PTBP1: variants seen among roughly 807,000 people sequenced by gnomAD.
The protein encoded by PTBP1 is polypyrimidine tract-binding protein 1.
PTBP1 carries 8 observed loss-of-function variants against 59.8 expected under a neutral mutation model. The observed-to-expected ratio is 0.13, with a 90% CI of 0.08 to 0.24. The LOEUF is 0.24. Among genes scored for constraint, PTBP1 ranks in the 10% least tolerant of loss-of-function variants. The probability of loss-of-function intolerance (pLI) is 1.00; values close to 1 mark genes in which losing one functional copy is unlikely to be tolerated. For synonymous variants in PTBP1, 490 were observed against 320.7 expected, an observed-to-expected ratio of 1.53 and a Z score of -5.64; for missense variants, 686 against 767.0, an observed-to-expected ratio of 0.89 and a Z score of 1.25.
rs758614808 is a variant in PTBP1 at position 805,514 on chromosome 19, C to G, written c.915C>G (p.Ala305=). Residue 305 remains alanine (A), a synonymous_variant, in exon 9 of 15, where the codon GCC becomes GCG. Transcript: ENST00000356948. The part of the protein sequence containing the change: ...AAFGAPGIIS[A]SPYAGAGFPP... ...TAGGTGCACCTGGTATAATCTCAGC[C>G]TCTCCGTATGCAGGAGCTGGTTTCC... is the stretch of plus-strand genomic sequence containing the variant. 6.2e-7 allele frequency: 1 copy of G among 1,613,726 alleles called. No individual in the cohort carries two copies. The highest frequency in any genetic ancestry group is 8.5e-7 in the Non-Finnish European group (1 of 1,179,608).
Position 806,569 on chromosome 19 carries a change from T to C in PTBP1, c.1119+13T>C. 1.3e-6 allele frequency: 2 copies of C among 1,484,842 alleles called. No homozygotes were observed. Among genetic ancestry groups the C allele is most frequent in the Non-Finnish European group, 1.8e-6 (2 of 1,117,948 alleles). 92.0% of individuals were successfully genotyped at this position (1,484,842 alleles called of 1,614,324 possible). ...CCTCAACCCAGAGGTACGTGGGCTT[T>C]TCCTCCGCGCCGCCGTTCCTCCCGG... On this transcript the variant is annotated intron_variant, in intron 10 of 14. Transcript: ENST00000356948.
Position 804,281 on chromosome 19 carries a change from C to T in PTBP1, c.289-11C>T, listed in dbSNP as rs2034463532. Reference sequence around the variant, plus strand: ...ACGAGGAGGGCCCAGCGCTCACTGCCTCCCCAACAGGCCTTCATCGAGATG... The same window carrying T: ...ACGAGGAGGGCCCAGCGCTCACTGCTTCCCCAACAGGCCTTCATCGAGATG... On this transcript the variant is annotated splice_polypyrimidine_tract_variant and intron_variant, in intron 4 of 14. Transcript: ENST00000356948. The T allele has an allele frequency of 6.2e-7, 1 of 1,613,564 alleles. No homozygotes were observed. Among genetic ancestry groups the T allele is most frequent in the Non-Finnish European group, 8.5e-7 (1 of 1,179,806 alleles).
intron 6 of PTBP1, 53 bp downstream of exon 6, chr19:804,755 C>G: frequency 1.9e-6 from 3 of 1,609,388 alleles, no homozygotes; most frequent in Non-Finnish European, 2.6e-6. Context: ...GCTGTGGGCA[C>G]AGGCACACGG....
Position 804,543 on chromosome 19 carries a change from G to C in PTBP1, c.447G>C (p.Ala149=), listed in dbSNP as rs765059664. 3 of 1,603,744 alleles carry C rather than the reference G, an allele frequency of 1.9e-6. No individual in the cohort carries two copies. The African/African-American group carries it at 4.0e-5, about 21-fold the overall frequency. The change falls in exon 6 of 15, where the codon GCG becomes GCC. Residue 149 remains alanine, a synonymous_variant. Transcript: ENST00000356948. ...TGTGCCTCCCACAGCGGGCCCAGGC[G>C]GCCCTGCAGGCGGTGAACTCGGTCC... ...DSSPNQARAQ[A]ALQAVNSVQS...
At chr19:806,353 C>T (rs2034574564) in intron 9 of PTBP1, 55 bp from the exon 10 acceptor site, 10 of 1,537,566 alleles carry the variant, frequency 6.5e-6, no homozygotes, top group Non-Finnish European at 8.7e-6. Flanking sequence ...CGGCCTCTCC[C>T]ACTCTGCGGT....
intron 2 of PTBP1, among the ~76,000 whole-genome samples, chr19:801,173 G>A (rs942792846): frequency 1.3e-5 from 2 of 152,214 alleles, no homozygotes; most frequent in Non-Finnish European, 2.9e-5. Context: ...AAGTCCTGGG[G>A]CGTTTCCTGT....
In PTBP1 at chr19:811,707, G is replaced by C. The variant is rs1441429443; in HGVS notation, c.*881G>C. On this transcript the variant is annotated 3_prime_UTR_variant, in exon 15 of 15. Coordinates refer to ENST00000356948, the MANE Select transcript of PTBP1 (RefSeq NM_002819.5). ...AGTGGGTCAGGCACAGGGAGCCCCG[G>C]TCCTATCTTAGAGCCCCTGAGCTTC... 1 of 152,402 alleles carries C rather than the reference G, an allele frequency of 6.6e-6. No homozygotes were observed. The highest frequency in any genetic ancestry group is 1.5e-5 in the Non-Finnish European group (1 of 68,040). 9.4% of individuals were successfully genotyped at this position (152,402 alleles called of 1,614,324 possible). A position where few individuals can be genotyped will look rare whatever the true frequency, so the allele number is the denominator to read the frequency against.
In PTBP1 at chr19:808,847, C is replaced by G. The variant is rs1387730689; in HGVS notation, c.1463+85C>G. ...TCCTACCGCGTCGGTGTGTGGACTT[C>G]TGGCGTTTCCAGAGTGCAGGTCGGG... On this transcript the variant is annotated intron_variant, in intron 13 of 14. Coordinates refer to ENST00000356948, the MANE Select transcript of PTBP1 (RefSeq NM_002819.5). This position sits in a 1 kb window ranked among gnomAD's most constrained non-coding sequence, Gnocchi z 4.7. The G allele has an allele frequency of 2.2e-5, 29 of 1,328,334 alleles. No individual in the cohort carries two copies. The highest frequency in any genetic ancestry group is 3.0e-5 in the Non-Finnish European group (28 of 949,000). 82.3% of individuals were successfully genotyped at this position (1,328,334 alleles called of 1,614,324 possible). A position where few individuals can be genotyped will look rare whatever the true frequency, so the allele number is the denominator to read the frequency against.
At position 808,186 on chromosome 19, in the gene PTBP1, G is replaced by C. The variant is rs936768643; in HGVS notation, c.1154-174G>C. ...CTGGATGCTATGACTTTGCTGAACG[G>C]AGCTGCTCCTGTTAGCGCGCCCTGT... is the stretch of plus-strand genomic sequence containing the variant. On this transcript the variant is annotated intron_variant, in intron 11 of 14. Transcript: ENST00000356948. The surrounding 1 kb of genome is among the most constrained non-coding windows in gnomAD (Gnocchi z 4.7). 4.6e-6 allele frequency: 3 copies of C among 658,764 alleles called. No homozygotes were observed. The highest frequency in any genetic ancestry group is 8.1e-6 in the Non-Finnish European group (3 of 370,596). The allele number at this position is 658,764 out of a possible 1,614,324, so 40.8% of individuals were successfully genotyped here.
chr19:798,342 C>G (rs76639708), intron 1 of PTBP1: 2 of 152,214 alleles, frequency 1.3e-5, no homozygotes, highest in African/African-American at 4.8e-5. Flanking sequence ...CGTGTCCCGC[C>G]GAGCGCTTCC....
chr19:805,704 G>C (rs2034533372), intron 9 of PTBP1, 135 bp downstream of exon 9: 1 of 763,092 alleles, frequency 1.3e-6, no homozygotes, highest in African/African-American at 1.7e-5. Flanking sequence ...CCCGGGAGAG[G>C]GGACGCCACG....
intron 1 of PTBP1, among the ~76,000 whole-genome samples, chr19:799,008 G>T (rs1378198740): frequency 1.3e-5 from 2 of 152,266 alleles, no homozygotes; most frequent in African/African-American, 4.8e-5. Flanking sequence ...GCCCAGGCCT[G>T]TGAGTTTGCC....
rs137874112 is a variant in PTBP1 at position 804,040 on chromosome 19, C to G, written c.120C>G (p.Asn40Lys). ...CTCATGGCACCCCCTTTTCAGCAAA[C>G]GGAAATGACAGCAAGAAGTTCAAAG... ...IMSSNSASAANGNDSKKFKGD... is the reference protein window; with the variant it reads ...IMSSNSASAAKGNDSKKFKGD... The change falls in exon 4 of 15, where the codon AAC becomes AAG. Residue 40 changes from asparagine (N) to lysine (K), a missense_variant. Physicochemically the swap from Asn to Lys is moderately conservative, Grantham distance 94. Coordinates refer to ENST00000356948, the MANE Select transcript of PTBP1 (RefSeq NM_002819.5). 6.2e-7 allele frequency: 1 copy of G among 1,613,958 alleles called. No homozygotes were observed. The highest frequency in any genetic ancestry group is 8.5e-7 in the Non-Finnish European group (1 of 1,179,980).
intron 10 of PTBP1, 159 bp downstream of exon 10, chr19:806,715 G>A: frequency 1.7e-6 from 1 of 602,516 alleles, no homozygotes; most frequent in Admixed American, 4.1e-5. Flanking sequence ...CCTTTTCCAA[G>A]ATGGCTTGAG....
intron 9 of PTBP1, 98 bp from the exon 10 acceptor site, chr19:806,309 GC>G (rs2034571784): frequency 3.0e-6 from 4 of 1,346,524 alleles, no homozygotes; most frequent in Non-Finnish European, 3.9e-6. Context: ...CTCCCGCGCG[GC>G]TCGGCTCCTC....
rs927614287 is a variant in PTBP1 at position 812,152 on chromosome 19, C to G, written c.*1326C>G. On this transcript the variant is annotated 3_prime_UTR_variant, in exon 15 of 15. Coordinates refer to ENST00000356948, the MANE Select transcript of PTBP1 (RefSeq NM_002819.5). ...GACCGCGGAGCCACAGGGGACCCCACGCACATTCCGTTGCCTTACCCGATG... is the reference window on the plus strand; with the variant it reads ...GACCGCGGAGCCACAGGGGACCCCAGGCACATTCCGTTGCCTTACCCGATG... 6.6e-6 allele frequency: 1 copy of G among 152,460 alleles called. No individual in the cohort carries two copies. The highest frequency in any genetic ancestry group is 1.5e-5 in the Non-Finnish European group (1 of 68,050). The allele number at this position is 152,460 out of a possible 1,614,324, so 9.4% of individuals were successfully genotyped here. A position where few individuals can be genotyped will look rare whatever the true frequency, so the allele number is the denominator to read the frequency against.
intron 9 of PTBP1, chr19:806,102 C>T (rs1270676536): frequency 1.2e-5 from 4 of 325,518 alleles, no homozygotes; most frequent in African/African-American, 6.6e-5. Context: ...ACGGGCCCTG[C>T]TTGCCGAGGG....
chr19:810,466 TG>T, intron 13 of PTBP1, 76 bp from the exon 14 acceptor site: 1 of 1,286,044 alleles, frequency 7.8e-7, no homozygotes, highest in Non-Finnish European at 1.1e-6. Context: ...AAAACTAGTC[TG>T]GGGAAAGCCT....
Position 811,144 on chromosome 19 carries a change from T to C in PTBP1, c.*318T>C. On this transcript the variant is annotated 3_prime_UTR_variant, in exon 15 of 15. Transcript: ENST00000356948. ...TGCAGGTGGGCGCCCCGACCACGAC[T>C]TGGCTTCCTTGTGCCTTAAAAAACC... The C allele has an allele frequency of 4.1e-6, 1 of 241,934 alleles. No homozygotes were observed. Among genetic ancestry groups the C allele is most frequent in the East Asian group, 8.4e-5 (1 of 11,908 alleles). The allele number at this position is 241,934 out of a possible 1,614,324, so 15.0% of individuals were successfully genotyped here. A position where few individuals can be genotyped will look rare whatever the true frequency, so the allele number is the denominator to read the frequency against.
Sources: gnomAD v4.1 joint callset for allele counts (sites outside exome capture counted in the v4.1 genomes callset) on GRCh38, gnomAD v4.1.1 for gene constraint, Gnocchi (gnomAD v3.1) non-coding constraint, MANE v1.5 for transcripts, NCBI Gene and HGNC (gene_info 2026-07-23, HGNC 2026-07-21) for gene names.